Variants in RNF122 observed in about 807,000 individuals in gnomAD.
RNF122 encodes the protein ring finger protein 122.
In RNF122, 17 loss-of-function variants were observed where a neutral mutation model predicts 24.2. That is an observed-to-expected ratio of 0.70 (90% CI 0.48 to 1.06). RNF122 has a LOEUF of 1.06. Among genes scored for constraint, RNF122 ranks in the 50% least tolerant of loss-of-function variants. RNF122 has a pLI of 0.00. For synonymous variants in RNF122, 65 were observed against 71.8 expected (o/e 0.91, Z 0.48); for missense variants, 168 against 198.1 (o/e 0.85, Z 0.91).
Position 33,552,628 on chromosome 8 carries a change from A to G in RNF122, c.183-1239T>C, listed in dbSNP as rs988783231. Among the ~76,000 whole-genome samples, 9 of 152,322 alleles carry G rather than the reference A, an allele frequency of 5.9e-5. No individual in the cohort carries two copies. In the East Asian group the frequency reaches 1.7e-3, roughly 29 times the overall value. On this transcript the variant is annotated intron_variant, in intron 2 of 5. Coordinates refer to ENST00000256257, the MANE Select transcript of RNF122 (RefSeq NM_024787.3). The stretch of plus-strand genomic sequence containing the variant: ...GGTCTTGGGACACACCCTACCTTTT[A>G]TTAAGTTTACAACTCTGAATGGCTT...
At position 33,566,687 on chromosome 8, in the gene RNF122, C is replaced by T. The variant is rs1452210239; in HGVS notation, c.25+12G>A. On this transcript the variant is annotated intron_variant, in intron 1 of 5. Coordinates refer to ENST00000256257, the MANE Select transcript of RNF122 (RefSeq NM_024787.3). ...GCCCCACGTAGGCTCGGCCCTCGCCCCGGGGACTCACCGTTACACCACTGG... is the reference window on the plus strand; with the variant it reads ...GCCCCACGTAGGCTCGGCCCTCGCCTCGGGGACTCACCGTTACACCACTGG... 2 of 1,600,194 alleles carry T rather than the reference C, an allele frequency of 1.2e-6. No homozygotes were observed. Among genetic ancestry groups the T allele is most frequent in the African/African-American group, 2.7e-5 (2 of 74,764 alleles).
chr8:33,561,742 C>T (rs906981719), intron 1 of RNF122, among the ~76,000 whole-genome samples: 1 of 152,054 alleles, frequency 6.6e-6, no homozygotes, highest in South Asian at 2.1e-4. Context: ...TGGGTTTCAC[C>T]ATGTTGGACA....
chr8:33,566,820 G>T lies in RNF122; in HGVS notation c.-97C>A. 1.4e-6 allele frequency: 2 copies of T among 1,402,538 alleles called. No individual in the cohort carries two copies. The highest frequency in any genetic ancestry group is 2.5e-5 in the East Asian group (1 of 40,656). The allele number at this position is 1,402,538 out of a possible 1,614,324, so 86.9% of individuals were successfully genotyped here. A position where few individuals can be genotyped will look rare whatever the true frequency, so the allele number is the denominator to read the frequency against. Reference sequence around the variant, plus strand: ...CTAGCGGCGTGAGGGGCCGCAGGCGGGGTCGGGGCAGCGCGCTGCAGCCGC... The same window carrying T: ...CTAGCGGCGTGAGGGGCCGCAGGCGTGGTCGGGGCAGCGCGCTGCAGCCGC... On this transcript the variant is annotated 5_prime_UTR_variant, in exon 1 of 6. Coordinates refer to ENST00000256257, the MANE Select transcript of RNF122 (RefSeq NM_024787.3).
rs751997578 is a variant in RNF122, at chr8:33,558,720, G to A, written c.77C>T (p.Pro26Leu). ...LVSTNKSCSMPPISFQDLPLN... is the reference protein window; with the variant it reads ...LVSTNKSCSMLPISFQDLPLN... ...CGGAAGGTCCTGGAAACTGATGGGT[G>A]GCATCGAGCAGGACTTGTTGGTGCT... is the stretch of plus-strand genomic sequence containing the variant. The change falls in exon 2 of 6, where the codon CCA becomes CTA. Residue 26 changes from proline to leucine, a missense_variant. Pro to Leu is a moderately conservative substitution (Grantham distance 98). Transcript: ENST00000256257. 3.7e-6 allele frequency: 6 copies of A among 1,611,208 alleles called. No homozygotes were observed. The highest frequency in any genetic ancestry group is 5.1e-6 in the Non-Finnish European group (6 of 1,178,046).
chr8:33,555,173 TTC>T, intron 2 of RNF122, among the ~76,000 whole-genome samples: 1 of 148,924 alleles, frequency 6.7e-6, no homozygotes, highest in East Asian at 1.9e-4. Flanking sequence ...GTGGTTACTG[TTC>T]TGTTTTTTGT....
chr8:33,562,220 G>A (rs926536124), intron 1 of RNF122, among the ~76,000 whole-genome samples: 1 of 152,058 alleles, frequency 6.6e-6, no homozygotes, highest in Non-Finnish European at 1.5e-5. Flanking sequence ...ATTAAGCATT[G>A]ATTATATGGT....
intron 1 of RNF122, among the ~76,000 whole-genome samples, chr8:33,566,188 C>T (rs1351629743): frequency 6.6e-6 from 1 of 152,264 alleles, no homozygotes; most frequent in African/African-American, 2.4e-5. Context: ...CCGCAAGCAC[C>T]CAAGCCACGC....
At chr8:33,559,809 A>G (rs1169568537) in intron 1 of RNF122, among the ~76,000 whole-genome samples, 2 of 148,266 alleles carry the variant, frequency 1.3e-5, no homozygotes, top group African/African-American at 5.0e-5. Context: ...TCTCGGGTCC[A>G]TCCCTGCCTA....
intron 4 of RNF122, among the ~76,000 whole-genome samples, chr8:33,549,712 C>T (rs191060007): frequency 2.4e-4 from 35 of 143,974 alleles, no homozygotes; most frequent in African/African-American, 9.9e-4. Context: ...AAATTCAGTC[C>T]CTAGTTACAC....
intron 1 of RNF122, among the ~76,000 whole-genome samples, chr8:33,559,970 T>C (rs1456257749): frequency 6.6e-6 from 1 of 151,168 alleles, no homozygotes; most frequent in South Asian, 2.1e-4. Context: ...GCCTCCCGAG[T>C]AGCTGGGATT....
intron 1 of RNF122, 66 bp from the exon 2 acceptor site, chr8:33,558,837 T>C: frequency 7.6e-7 from 1 of 1,322,338 alleles, no homozygotes; most frequent in Middle Eastern, 2.0e-4. Flanking sequence ...TAGCACTGTG[T>C]CAGCAGGATA....
At position 33,548,539 on chromosome 8, in the gene RNF122, G is replaced by C; in HGVS notation, c.*214C>G. On this transcript the variant is annotated 3_prime_UTR_variant, in exon 6 of 6. Coordinates refer to ENST00000256257, the MANE Select transcript of RNF122 (RefSeq NM_024787.3). ...CTTGATGGGTGAGGCCACCAGCATG[G>C]AGTAGCAGGGAAGAAGGCTTCAGGA... is the stretch of plus-strand genomic sequence containing the variant. 4.1e-6 allele frequency: 2 copies of C among 492,692 alleles called. No homozygotes were observed. The highest frequency in any genetic ancestry group is 7.4e-6 in the Non-Finnish European group (2 of 271,528). 30.5% of individuals were successfully genotyped at this position (492,692 alleles called of 1,614,324 possible). A position where few individuals can be genotyped will look rare whatever the true frequency, so the allele number is the denominator to read the frequency against.
chr8:33,565,939 C>T (rs1219218372), intron 1 of RNF122, among the ~76,000 whole-genome samples: 2 of 152,146 alleles, frequency 1.3e-5, no homozygotes, highest in Admixed American at 6.5e-5. Context: ...CTGCAATCTC[C>T]GCCTCCTGGG....
chr8:33,550,358 A>T (rs1476037834), intron 4 of RNF122, among the ~76,000 whole-genome samples: 1 of 152,200 alleles, frequency 6.6e-6, no homozygotes. Flanking sequence ...AATAGACAAA[A>T]TGAGGCCACG....
At chr8:33,555,986 G>A (rs546624572) in intron 2 of RNF122, among the ~76,000 whole-genome samples, 4 of 152,020 alleles carry the variant, frequency 2.6e-5, no homozygotes, top group South Asian at 4.2e-4. Context: ...TGGGTGACAT[G>A]GTGAAACCTC....
At position 33,548,667 on chromosome 8, in the gene RNF122, A is replaced by G. The variant is rs1810324312; in HGVS notation, c.*86T>C. On this transcript the variant is annotated 3_prime_UTR_variant, in exon 6 of 6. Coordinates refer to ENST00000256257, the MANE Select transcript of RNF122 (RefSeq NM_024787.3). ...CTGGGAAAGTGATCGTCATCACCCT[A>G]CAGTCCTGTTGGTTGGAGCTGTGCA... The G allele has an allele frequency of 1.2e-6, 1 of 836,048 alleles. No individual in the cohort carries two copies. The allele number at this position is 836,048 out of a possible 1,614,324, so 51.8% of individuals were successfully genotyped here.
chr8:33,552,314 G>A (rs1019351805), intron 2 of RNF122, among the ~76,000 whole-genome samples: 5 of 152,092 alleles, frequency 3.3e-5, no homozygotes, highest in South Asian at 2.1e-4. Context: ...CAGGAGAATC[G>A]ATTGAACCCA....
At chr8:33,548,944 C>A (rs1810330337) in intron 5 of RNF122, 77 bp from the exon 6 acceptor site, 3 of 1,028,064 alleles carry the variant, frequency 2.9e-6, no homozygotes, top group Non-Finnish European at 3.1e-6. Context: ...ACAAGAATAT[C>A]CCGTGGTGGC....
intron 1 of RNF122, among the ~76,000 whole-genome samples, chr8:33,561,155 C>T (rs1810534460): frequency 6.6e-6 from 1 of 152,150 alleles, no homozygotes; most frequent in Non-Finnish European, 1.5e-5. Flanking sequence ...AACTCGCCCA[C>T]AGTCAAACAG....
Sources: allele counts gnomAD v4.1 joint callset (sites outside exome capture counted in the v4.1 genomes callset), GRCh38; gene constraint gnomAD v4.1.1; transcripts MANE v1.5; gene names NCBI Gene and HGNC (gene_info 2026-07-23, HGNC 2026-07-21).